The following KCNIP1 variants were observed in gnomAD, a reference collection of about 807,000 sequenced individuals.
The protein encoded by KCNIP1 is A-type potassium channel modulatory protein KCNIP1.
KCNIP1 carries 18 observed loss-of-function variants against 33.0 expected under a neutral mutation model. The ratio of observed to expected loss-of-function variants is 0.55; its 90% CI spans 0.38 to 0.81. KCNIP1 has a LOEUF of 0.81. Ranked by LOEUF, KCNIP1 falls within the 30% of genes least tolerant of loss-of-function variation. The pLI is 0.00. For synonymous variants in KCNIP1, 93 were observed against 98.3 expected, an observed-to-expected ratio of 0.95 and a Z score of 0.32; for missense variants, 238 against 271.6, an observed-to-expected ratio of 0.88 and a Z score of 0.87.
chr5:170,445,235 G>A (rs2113050661), intron 1 of KCNIP1, among the ~76,000 whole-genome samples: 1 of 152,280 alleles, frequency 6.6e-6, no homozygotes, highest in Middle Eastern at 3.4e-3. Flanking sequence ...CGTTAAGGGG[G>A]CAGGGCCTGG....
At chr5:170,705,311 G>C (rs1763222133) in intron 1 of KCNIP1, among the ~76,000 whole-genome samples, 1 of 152,170 alleles carries the variant, frequency 6.6e-6, no homozygotes, top group Non-Finnish European at 1.5e-5. Context: ...TCTTCTCCCT[G>C]CCTCTGGGCA....
chr5:170,400,851 G>A (rs749719310), intron 1 of KCNIP1, among the ~76,000 whole-genome samples: 4 of 152,190 alleles, frequency 2.6e-5, no homozygotes, highest in African/African-American at 9.7e-5. Context: ...TAAGCCATTC[G>A]ATACAATAGC....
At chr5:170,464,344 G>A (rs1306199503) in intron 1 of KCNIP1, among the ~76,000 whole-genome samples, 4 of 152,228 alleles carry the variant, frequency 2.6e-5, no homozygotes, top group South Asian at 2.1e-4. Flanking sequence ...AATGCAACCC[G>A]TGTCAAAATC....
rs191149550 is a variant in KCNIP1, at chr5:170,489,020, C to T, written c.88+135056C>T. Among the ~76,000 whole-genome samples, 3 of 152,248 alleles carry T rather than the reference C, an allele frequency of 2.0e-5. No homozygotes were observed. The highest frequency in any genetic ancestry group is 6.5e-5 in the Admixed American group (1 of 15,290). ...GCCAAGCAGGTAAGAGTACTGACCC[C>T]GAGCCCACTCGGGCTCTGAGCAGAA... On this transcript the variant is annotated intron_variant, in intron 1 of 7. Coordinates refer to the KCNIP1 transcript ENST00000377360. This position sits in a 1 kb window ranked among gnomAD's most constrained non-coding sequence, Gnocchi z 4.3.
chr5:170,688,753 AG>A (rs1296153885), intron 1 of KCNIP1, among the ~76,000 whole-genome samples: 1 of 152,204 alleles, frequency 6.6e-6, no homozygotes, highest in Non-Finnish European at 1.5e-5. Context: ...GCCCAGAGGG[AG>A]AGCCCTAAGA....
At chr5:170,445,742 C>G (rs1487946218) in intron 1 of KCNIP1, among the ~76,000 whole-genome samples, 1 of 152,192 alleles carries the variant, frequency 6.6e-6, no homozygotes, top group Non-Finnish European at 1.5e-5. Context: ...CACTATCCCC[C>G]GCTCCCTTTC....
intron 4 of KCNIP1, among the ~76,000 whole-genome samples, chr5:170,722,458 T>G (rs1763859153): frequency 6.6e-6 from 1 of 151,952 alleles, no homozygotes; most frequent in Non-Finnish European, 1.5e-5. Flanking sequence ...AAAACAGGGC[T>G]GGCTGTGTTG....
chr5:170,595,122 C>G (rs916310006), intron 1 of KCNIP1, among the ~76,000 whole-genome samples: 2 of 152,168 alleles, frequency 1.3e-5, no homozygotes, highest in Non-Finnish European at 2.9e-5. Context: ...TCCTAGCTTC[C>G]CCAGAGAGTC....
At chr5:170,406,746 C>A (rs1755048627) in intron 1 of KCNIP1, among the ~76,000 whole-genome samples, 1 of 152,174 alleles carries the variant, frequency 6.6e-6, no homozygotes, top group Non-Finnish European at 1.5e-5. Context: ...ATTCCGAGGC[C>A]TGGAGGGTCT....
intron 1 of KCNIP1, chr5:170,354,060 C>A: frequency 8.6e-7 from 1 of 1,157,646 alleles, no homozygotes; most frequent in Non-Finnish European, 1.3e-6. Context: ...CTGGTGCACC[C>A]AGGTCTTGGA....
At chr5:170,400,467 C>A (rs1350713630) in intron 1 of KCNIP1, among the ~76,000 whole-genome samples, 3 of 152,142 alleles carry the variant, frequency 2.0e-5, no homozygotes, top group Non-Finnish European at 4.4e-5. Context: ...CCAATCACCC[C>A]CCACCAGGTC....
intron 1 of KCNIP1, among the ~76,000 whole-genome samples, chr5:170,548,241 A>G (rs566504599): frequency 6.6e-6 from 1 of 152,324 alleles, no homozygotes; most frequent in East Asian, 1.9e-4. Context: ...TATTTCATTA[A>G]GCATATAAAT....
intron 1 of KCNIP1, chr5:170,486,261 G>T (rs927834010): frequency 2.6e-5 from 4 of 152,164 alleles, no homozygotes; most frequent in African/African-American, 7.2e-5. Flanking sequence ...CAACTCAGTG[G>T]ACATCAGGCC....
intron 1 of KCNIP1, among the ~76,000 whole-genome samples, chr5:170,600,257 C>A (rs1036765987): frequency 6.6e-6 from 1 of 152,226 alleles, no homozygotes; most frequent in Non-Finnish European, 1.5e-5. Context: ...CCAGCCTCAC[C>A]TTAAGTTTCT....
intron 1 of KCNIP1, among the ~76,000 whole-genome samples, chr5:170,570,720 G>A (rs531102585): frequency 4.6e-5 from 7 of 152,370 alleles, no homozygotes; most frequent in Middle Eastern, 3.4e-3. Context: ...ACAGACGGCC[G>A]GCACTGACTG....
At chr5:170,569,417 C>T (rs148747746) in intron 1 of KCNIP1, among the ~76,000 whole-genome samples, 12 of 152,366 alleles carry the variant, frequency 7.9e-5, no homozygotes, top group East Asian at 1.9e-4. Flanking sequence ...TGGGCAGGCC[C>T]GAACTGTCTT....
At chr5:170,626,913 C>T (rs1283751495) in intron 1 of KCNIP1, among the ~76,000 whole-genome samples, 1 of 152,314 alleles carries the variant, frequency 6.6e-6, no homozygotes, top group African/African-American at 2.4e-5. Flanking sequence ...TGCTCACTTC[C>T]CAGGCTCTCT....
At chr5:170,595,608 G>A (rs1243401575) in intron 1 of KCNIP1, among the ~76,000 whole-genome samples, 1 of 152,212 alleles carries the variant, frequency 6.6e-6, no homozygotes, top group Non-Finnish European at 1.5e-5. Flanking sequence ...AATGTGGGAA[G>A]AAGGGGCAAG....
At chr5:170,626,705 C>G (rs969860998) in intron 1 of KCNIP1, among the ~76,000 whole-genome samples, 4 of 152,212 alleles carry the variant, frequency 2.6e-5, no homozygotes, top group Non-Finnish European at 2.9e-5. Flanking sequence ...GAAGCTGGAG[C>G]TGTCCGGGCC....
Sources: gnomAD v4.1 joint callset for allele counts (sites outside exome capture counted in the v4.1 genomes callset) on GRCh38, gnomAD v4.1.1 for gene constraint, Gnocchi (gnomAD v3.1) non-coding constraint, MANE v1.5 for transcripts, NCBI Gene and HGNC (gene_info 2026-07-23, HGNC 2026-07-21) for gene names.